The following PRDM2 variants were observed in gnomAD, a reference collection of about 807,000 sequenced individuals.
The protein encoded by PRDM2 is PR/SET domain 2.
A neutral mutation model predicts 130.0 loss-of-function variants in PRDM2; 30 were observed. The ratio of observed to expected loss-of-function variants is 0.23; its 90% CI spans 0.17 to 0.31. The LOEUF is 0.31. Ranked by LOEUF, PRDM2 falls within the 10% of genes least tolerant of loss-of-function variation. PRDM2 has a pLI of 1.00. For missense variants in PRDM2, 2,011 were observed against 2,108.4 expected (o/e 0.95, Z 0.90); for synonymous variants, 871 against 782.4 (o/e 1.11, Z -1.89).
chr1:13,822,708 A>G (rs977864064), intron 9 of PRDM2, among the ~76,000 whole-genome samples: 4 of 152,128 alleles, frequency 2.6e-5, no homozygotes, highest in African/African-American at 7.2e-5. Flanking sequence ...GTGTCTTTCT[A>G]TAATAGCACA....
chr1:13,743,037 G>C, intron 5 of PRDM2, among the ~76,000 whole-genome samples: 1 of 152,076 alleles, frequency 6.6e-6, no homozygotes, highest in East Asian at 1.9e-4. Context: ...AGGAAGCGTG[G>C]AGTGTTGCTG....
Position 13,780,593 on chromosome 1 carries a change from T to C in PRDM2, c.2798T>C (p.Phe933Ser). ...PDPDLGPGSG[F>S]PAPTVESTPD... ...CCTGACCTCGGTCCGGGCTCTGGTT[T>C]CCCTGCCCCTACTGTTGAGTCCACA... The change falls in exon 8 of 10, where the codon TTC (phenylalanine) becomes TCC (serine). Residue 933 changes from phenylalanine to serine, a missense_variant. Transcript: ENST00000311066. The C allele has an allele frequency of 6.2e-7, 1 of 1,614,086 alleles. No individual in the cohort carries two copies. The highest frequency in any genetic ancestry group is 8.5e-7 in the Non-Finnish European group (1 of 1,180,002).
intron 6 of PRDM2, among the ~76,000 whole-genome samples, chr1:13,765,808 C>T (rs990243116): frequency 3.9e-5 from 6 of 152,108 alleles, no homozygotes; most frequent in African/African-American, 7.2e-5. Flanking sequence ...CATTATCCAT[C>T]GATTCCTCTT....
At chr1:13,706,497 G>A (rs1378677297) in intron 1 of PRDM2, among the ~76,000 whole-genome samples, 1 of 152,050 alleles carries the variant, frequency 6.6e-6, no homozygotes, top group Non-Finnish European at 1.5e-5. Flanking sequence ...CAGACCTTTT[G>A]GAATAGGGTG....
intron 6 of PRDM2, among the ~76,000 whole-genome samples, chr1:13,751,959 TCCTCC>T (rs201422071): frequency 0.025 from 3,788 of 151,434 alleles, 63 homozygotes; most frequent in Middle Eastern, 0.041. Context: ...CTTTCTTCTC[TCCTCC>T]CCTCCCCTCC....
At chr1:13,768,297 A>G (rs1466788176) in intron 6 of PRDM2, among the ~76,000 whole-genome samples, 1 of 151,078 alleles carries the variant, frequency 6.6e-6, no homozygotes, top group Non-Finnish European at 1.5e-5. Flanking sequence ...ACTAGCCAGG[A>G]TGGTCTCGAT....
chr1:13,742,903 C>T (rs986632571), intron 5 of PRDM2, among the ~76,000 whole-genome samples: 1 of 152,116 alleles, frequency 6.6e-6, no homozygotes, highest in Non-Finnish European at 1.5e-5. Flanking sequence ...ACAAATTGAA[C>T]AGAACATGTT....
At position 13,823,384 on chromosome 1, in the gene PRDM2, T is replaced by C; in HGVS notation, c.*249T>C. 1 of 631,142 alleles carries C rather than the reference T, an allele frequency of 1.6e-6. No individual in the cohort carries two copies. Among genetic ancestry groups the C allele is most frequent in the South Asian group, 1.9e-5 (1 of 53,420 alleles). 39.1% of individuals were successfully genotyped at this position (631,142 alleles called of 1,614,324 possible). ...GGCAGGAAGGGGGCCGACTCCACGC[T>C]GTCCTTTGGGATGATACTTGGATGC... On this transcript the variant is annotated 3_prime_UTR_variant, in exon 10 of 10. Transcript: ENST00000311066.
At chr1:13,758,107 A>G (rs1379329879) in intron 6 of PRDM2, among the ~76,000 whole-genome samples, 1 of 151,998 alleles carries the variant, frequency 6.6e-6, no homozygotes, top group Non-Finnish European at 1.5e-5. Context: ...GGCTTTTTCT[A>G]CTTGGAACTT....
rs541474427 is a variant in PRDM2, at chr1:13,804,342, C to T, written c.5037-12085C>T. On this transcript the variant is annotated intron_variant, in intron 8 of 9. Transcript: ENST00000311066. ...AGGCCTACGTTCATTCTCTCCCCTTCGGCCCCCTCATTTGGAGACTGTCTA... is the reference window on the plus strand; with the variant it reads ...AGGCCTACGTTCATTCTCTCCCCTTTGGCCCCCTCATTTGGAGACTGTCTA... Among the ~76,000 whole-genome samples the T allele has an allele frequency of 8.5e-5, 13 of 152,196 alleles. No homozygotes were observed. The South Asian group carries it at 1.2e-3, about 15-fold the overall frequency.
intron 6 of PRDM2, chr1:13,769,169 C>T (rs1043718784): frequency 6.1e-6 from 6 of 985,312 alleles, no homozygotes; most frequent in East Asian, 1.1e-4. Context: ...CCCCAGGACC[C>T]GATGGTAAGT....
chr1:13,799,377 G>A (rs11579972), intron 8 of PRDM2, among the ~76,000 whole-genome samples: 2 of 151,834 alleles, frequency 1.3e-5, no homozygotes, highest in African/African-American at 2.4e-5. Flanking sequence ...CCCGGGAGGC[G>A]GAGGCTGCCA....
At chr1:13,739,763 AAT>A (rs1189695300) in intron 4 of PRDM2, among the ~76,000 whole-genome samples, 2 of 151,666 alleles carry the variant, frequency 1.3e-5, no homozygotes, top group Admixed American at 6.6e-5. Context: ...GTATATTTTA[AAT>A]ATATATATAT....
chr1:13,756,401 C>G (rs1643954724), intron 6 of PRDM2, among the ~76,000 whole-genome samples: 1 of 152,054 alleles, frequency 6.6e-6, no homozygotes, highest in African/African-American at 2.4e-5. Flanking sequence ...TGGCATGGTA[C>G]TTTGTTGGCA....
chr1:13,701,929 T>C (rs1006195767), intron 1 of PRDM2, among the ~76,000 whole-genome samples: 13 of 152,224 alleles, frequency 8.5e-5, no homozygotes, highest in African/African-American at 3.1e-4. Flanking sequence ...GTTTTTTCCT[T>C]ATTTTGTGGA....
At chr1:13,703,775 T>C (rs1369740587) in intron 1 of PRDM2, among the ~76,000 whole-genome samples, 4 of 152,264 alleles carry the variant, frequency 2.6e-5, no homozygotes, top group Admixed American at 6.5e-5. Flanking sequence ...AACTGTCTTC[T>C]AGAAAAGCAA....
intron 1 of PRDM2, among the ~76,000 whole-genome samples, chr1:13,703,307 G>A (rs1642120270): frequency 6.6e-6 from 1 of 152,204 alleles, no homozygotes; most frequent in Non-Finnish European, 1.5e-5. Flanking sequence ...CTCTATCAGG[G>A]AGATGCCAGT....
At chr1:13,813,757 C>T in intron 8 of PRDM2, among the ~76,000 whole-genome samples, 1 of 152,178 alleles carries the variant, frequency 6.6e-6, no homozygotes, top group East Asian at 1.9e-4. Context: ...TGCCCCCGAC[C>T]TACTCGTTCC....
At chr1:13,747,220 C>G (rs1204328731) in intron 5 of PRDM2, among the ~76,000 whole-genome samples, 1 of 152,230 alleles carries the variant, frequency 6.6e-6, no homozygotes, top group African/African-American at 2.4e-5. Context: ...TTTGTCTTCA[C>G]TCCTTCCCAT....
Sources: allele counts gnomAD v4.1 joint callset (sites outside exome capture counted in the v4.1 genomes callset), GRCh38; gene constraint gnomAD v4.1.1; transcripts MANE v1.5; gene names NCBI Gene and HGNC (gene_info 2026-07-23, HGNC 2026-07-21).